COL8A1: variants seen among roughly 807,000 people sequenced by gnomAD.
COL8A1 encodes the protein collagen alpha-1(VIII) chain.
A neutral mutation model predicts 42.7 loss-of-function variants in COL8A1; 21 were observed. The observed-to-expected ratio is 0.49, with a 90% CI of 0.35 to 0.71. The LOEUF is 0.71. COL8A1 is among the 30% of genes least tolerant of loss of function. The probability of loss-of-function intolerance (pLI) is 0.01; values close to 1 mark genes in which losing one functional copy is unlikely to be tolerated. For missense variants in COL8A1, 788 were observed against 962.4 expected (o/e 0.82, Z 2.40); for synonymous variants, 367 against 369.1 (o/e 0.99, Z 0.06).
chr3:99,678,595 TTTG>T (rs879571097), intron 1 of COL8A1: 9 of 151,984 alleles, frequency 5.9e-5, no homozygotes, highest in East Asian at 1.9e-4. Flanking sequence ...GTTGTTGTTG[TTTG>T]TTGTTGTCAT....
chr3:99,739,166 T>A (rs1341819435), intron 1 of COL8A1, among the ~76,000 whole-genome samples: 3 of 152,288 alleles, frequency 2.0e-5, no homozygotes, highest in African/African-American at 7.2e-5. Context: ...CAGATGGAAA[T>A]GCAGAAATCA....
intron 1 of COL8A1, among the ~76,000 whole-genome samples, chr3:99,666,388 C>G (rs796097006): frequency 1.1e-4 from 17 of 152,338 alleles, no homozygotes; most frequent in African/African-American, 3.6e-4. Flanking sequence ...CATCAGAATA[C>G]TGAAGCAGAA....
intron 2 of COL8A1, among the ~76,000 whole-genome samples, chr3:99,769,632 C>A (rs143439873): frequency 3.3e-5 from 5 of 152,158 alleles, no homozygotes; most frequent in Non-Finnish European, 2.9e-5. Context: ...TAACAAAAGA[C>A]AGATTGGGCC....
At chr3:99,756,755 G>A (rs765201569) in intron 2 of COL8A1, among the ~76,000 whole-genome samples, 5 of 152,238 alleles carry the variant, frequency 3.3e-5, no homozygotes, top group African/African-American at 7.2e-5. Flanking sequence ...GTACCATCAC[G>A]TCACCTAAGC....
chr3:99,792,479 T>G (rs1942020110), intron 3 of COL8A1, among the ~76,000 whole-genome samples: 1 of 152,212 alleles, frequency 6.6e-6, no homozygotes, highest in African/African-American at 2.4e-5. Flanking sequence ...CAGAGTTGTG[T>G]TCATCTGAAA....
At chr3:99,747,953 G>A (rs1387648337) in intron 2 of COL8A1, among the ~76,000 whole-genome samples, 1 of 152,140 alleles carries the variant, frequency 6.6e-6, no homozygotes, top group Non-Finnish European at 1.5e-5. Flanking sequence ...TGTGGCCTTG[G>A]GCAAGTCATG....
chr3:99,737,433 A>T (rs889298245), intron 1 of COL8A1, among the ~76,000 whole-genome samples: 1 of 151,594 alleles, frequency 6.6e-6, no homozygotes, highest in African/African-American at 2.4e-5. Flanking sequence ...GTGGTGACAA[A>T]ATCTCCAGCA....
intron 1 of COL8A1, among the ~76,000 whole-genome samples, chr3:99,704,744 G>GAGTCTTATAAAGTGCATACTTTGTA (rs1436901597): frequency 1.3e-5 from 2 of 152,128 alleles, no homozygotes; most frequent in African/African-American, 2.4e-5. Flanking sequence ...GTACCAATCT[G>GAGTCTTATAAAGTGCATACTTTGTA]AGTCTTATAA....
intron 2 of COL8A1, among the ~76,000 whole-genome samples, chr3:99,789,359 A>G (rs1941953418): frequency 2.6e-5 from 4 of 152,194 alleles, no homozygotes; most frequent in Admixed American, 2.6e-4. Flanking sequence ...CTTACATTAA[A>G]AATTGTGAGA....
At chr3:99,660,371 A>G (rs990518308) in intron 1 of COL8A1, among the ~76,000 whole-genome samples, 6 of 152,184 alleles carry the variant, frequency 3.9e-5, no homozygotes, top group Non-Finnish European at 8.8e-5. Flanking sequence ...ATATAGCCAT[A>G]AAAGAAATAT....
In COL8A1 at chr3:99,798,762, G is replaced by A. The variant is rs573822619; in HGVS notation, c.*2626G>A. 1 of 152,298 alleles carries A rather than the reference G, an allele frequency of 6.6e-6. No individual in the cohort carries two copies. The highest frequency in any genetic ancestry group is 1.9e-4 in the East Asian group (1 of 5,188). 9.4% of individuals were successfully genotyped at this position (152,298 alleles called of 1,614,324 possible). ...GCCAAATACTGTGCATTCTACAATG[G>A]TGCTAATCTCAGACCTAAATGATAC... On this transcript the variant is annotated 3_prime_UTR_variant, in exon 4 of 4. Transcript: ENST00000652472.
intron 1 of COL8A1, among the ~76,000 whole-genome samples, chr3:99,705,970 A>T (rs1939670867): frequency 6.6e-6 from 1 of 152,174 alleles, no homozygotes; most frequent in African/African-American, 2.4e-5. Context: ...TTTCTATTCT[A>T]CACTTTCATA....
At position 99,669,123 on chromosome 3, in the gene COL8A1, TTATATA is replaced by T. The variant is rs775831851; in HGVS notation, c.-129+30478_-129+30483del. On this transcript the variant is annotated intron_variant, in intron 1 of 3. Transcript: ENST00000652472. ...TTTTTAAGACCTTGTCTTAAAAAAA[TTATATA>T]TATATATATATATATATAGAGGGAG... 7.6e-3 allele frequency among the ~76,000 whole-genome samples: 738 copies of T among 96,574 alleles called. 13 individuals carry two copies. Among genetic ancestry groups the T allele is most frequent in the African/African-American group, 0.02 (497 of 24,394 alleles). 63.4% of individuals were successfully genotyped at this position (96,574 alleles called of 152,430 possible).
At chr3:99,711,699 A>T (rs1204454312) in intron 1 of COL8A1, among the ~76,000 whole-genome samples, 1 of 152,182 alleles carries the variant, frequency 6.6e-6, no homozygotes, top group Non-Finnish European at 1.5e-5. Flanking sequence ...ACGGCTTAGC[A>T]GCAAATTGAT....
chr3:99,704,860 A>G (rs975089403), intron 1 of COL8A1, among the ~76,000 whole-genome samples: 1 of 152,010 alleles, frequency 6.6e-6, no homozygotes, highest in Admixed American at 6.6e-5. Flanking sequence ...GTTTTAATTG[A>G]TTTGAGAGAG....
At chr3:99,678,169 C>A (rs1938758211) in intron 1 of COL8A1, 1 of 152,060 alleles carries the variant, frequency 6.6e-6, no homozygotes, top group Admixed American at 6.6e-5. Flanking sequence ...AACAAATTAC[C>A]ATCTTCCTTG....
intron 1 of COL8A1, among the ~76,000 whole-genome samples, chr3:99,738,837 G>T (rs1332022488): frequency 6.6e-6 from 1 of 152,180 alleles, no homozygotes; most frequent in Non-Finnish European, 1.5e-5. Context: ...CTGCTGCCTT[G>T]CAGTTTGATC....
rs182523022 is a variant in COL8A1 at position 99,676,903 on chromosome 3, C to T, written c.-129+38239C>T. Among the ~76,000 whole-genome samples the T allele has an allele frequency of 1.6e-3, 239 of 151,888 alleles. 2 individuals are homozygous for T. The Middle Eastern group carries it at 0.017, about 11-fold the overall frequency. ...GAAAAATGAAACTTTTTGAAAGATA[C>T]CATTTACAGTAGCAATTAAAACATC... On this transcript the variant is annotated intron_variant, in intron 1 of 3. Coordinates refer to ENST00000652472, the MANE Select transcript of COL8A1 (RefSeq NM_020351.4).
intron 2 of COL8A1, among the ~76,000 whole-genome samples, chr3:99,767,169 G>A (rs146359016): frequency 3.9e-5 from 6 of 152,202 alleles, no homozygotes; most frequent in Non-Finnish European, 7.4e-5. Flanking sequence ...TTGATCCTAC[G>A]GCTCAGAAGG....
Sources: allele counts gnomAD v4.1 joint callset (sites outside exome capture counted in the v4.1 genomes callset), GRCh38; gene constraint gnomAD v4.1.1; transcripts MANE v1.5; gene names NCBI Gene and HGNC (gene_info 2026-07-23, HGNC 2026-07-21).